DPYD: variants seen among roughly 807,000 people sequenced by gnomAD.
DPYD encodes dihydropyrimidine dehydrogenase, also known as dihydropyrimidine dehydrogenase [NADP(+)].
A neutral mutation model predicts 116.2 loss-of-function variants in DPYD; 109 were observed. That is an observed-to-expected ratio of 0.94 (90% CI 0.80 to 1.10). DPYD has a LOEUF of 1.10. Ranked by LOEUF, DPYD falls within the 50% of genes least tolerant of loss-of-function variation. The pLI is 0.00. For synonymous variants in DPYD, 440 were observed against 432.0 expected (o/e 1.02, Z -0.23); for missense variants, 1,302 against 1,254.5 (o/e 1.04, Z -0.57).
chr1:97,591,380 G>A (rs993750996), intron 10 of DPYD, among the ~76,000 whole-genome samples: 4 of 152,146 alleles, frequency 2.6e-5, no homozygotes, highest in African/African-American at 9.7e-5. Flanking sequence ...TTCCATGAGG[G>A]CATGAAATTC....
intron 22 of DPYD, among the ~76,000 whole-genome samples, chr1:97,080,089 C>T (rs1430991584): frequency 6.6e-6 from 1 of 151,954 alleles, no homozygotes; most frequent in Non-Finnish European, 1.5e-5. Context: ...GATTTCAGGG[C>T]AGCTACGTAG....
At chr1:97,386,435 C>A (rs996193470) in intron 14 of DPYD, among the ~76,000 whole-genome samples, 1 of 151,952 alleles carries the variant, frequency 6.6e-6, no homozygotes, top group South Asian at 2.1e-4. Context: ...GACAAACACA[C>A]AGGATGGAGA....
intron 19 of DPYD, among the ~76,000 whole-genome samples, chr1:97,209,408 C>T (rs1020661231): frequency 1.3e-5 from 2 of 152,056 alleles, no homozygotes; most frequent in Non-Finnish European, 2.9e-5. Flanking sequence ...TTTAAACTCC[C>T]TCCAGATTAC....
intron 2 of DPYD, among the ~76,000 whole-genome samples, chr1:97,861,251 T>C (rs1354680783): frequency 6.6e-6 from 1 of 151,762 alleles, no homozygotes; most frequent in Non-Finnish European, 1.5e-5. Context: ...GCAGAAACAG[T>C]AAGCTGAGTA....
intron 5 of DPYD, among the ~76,000 whole-genome samples, chr1:97,708,316 T>A (rs1662097378): frequency 6.6e-6 from 1 of 152,130 alleles, no homozygotes; most frequent in African/African-American, 2.4e-5. Flanking sequence ...CCATCTTTAA[T>A]TAATTTTTAA....
chr1:97,342,001 G>A (rs1442635553), intron 16 of DPYD, among the ~76,000 whole-genome samples: 3 of 152,190 alleles, frequency 2.0e-5, no homozygotes, highest in Non-Finnish European at 2.9e-5. Flanking sequence ...CTGATCTGAC[G>A]AAGTTTAGAA....
At chr1:97,499,015 CTT>C (rs1025171399) in intron 13 of DPYD, among the ~76,000 whole-genome samples, 1 of 151,494 alleles carries the variant, frequency 6.6e-6, no homozygotes, top group Non-Finnish European at 1.5e-5. Flanking sequence ...ACCTTTATAA[CTT>C]ATAATAAATA....
chr1:97,192,143 C>T (rs998929036), intron 20 of DPYD, among the ~76,000 whole-genome samples: 2 of 151,950 alleles, frequency 1.3e-5, no homozygotes, highest in African/African-American at 4.8e-5. Context: ...AGGAGAGGGA[C>T]AGTGATATTT....
At chr1:97,886,637 T>A (rs186660545) in intron 1 of DPYD, among the ~76,000 whole-genome samples, 1 of 152,040 alleles carries the variant, frequency 6.6e-6, no homozygotes, top group East Asian at 1.9e-4. Flanking sequence ...GCCCAGAGAT[T>A]TTTCCCAGAA....
At chr1:97,623,577 C>T (rs1310326064) in intron 8 of DPYD, among the ~76,000 whole-genome samples, 1 of 151,902 alleles carries the variant, frequency 6.6e-6, no homozygotes, top group African/African-American at 2.4e-5. Context: ...AGGTTCAGTG[C>T]AATCCCCATG....
chr1:97,905,379 TA>T (rs771287703), intron 1 of DPYD, among the ~76,000 whole-genome samples: 1 of 151,950 alleles, frequency 6.6e-6, no homozygotes, highest in Non-Finnish European at 1.5e-5. Flanking sequence ...AAAGTAGAAA[TA>T]AAAAGAAAAA....
intron 5 of DPYD, among the ~76,000 whole-genome samples, chr1:97,714,064 T>A (rs1397876406): frequency 6.6e-6 from 1 of 152,158 alleles, no homozygotes; most frequent in East Asian, 1.9e-4. Flanking sequence ...TTGATCAGTT[T>A]GTCAAACTGT....
chr1:97,609,211 T>C (rs1242688162), intron 8 of DPYD, among the ~76,000 whole-genome samples: 3 of 151,958 alleles, frequency 2.0e-5, no homozygotes, highest in African/African-American at 4.8e-5. Context: ...AAAGAAGGCA[T>C]ATTCTAATGC....
chr1:97,792,082 T>G (rs1438231571), intron 3 of DPYD, among the ~76,000 whole-genome samples: 1 of 152,184 alleles, frequency 6.6e-6, no homozygotes, highest in Non-Finnish European at 1.5e-5. Context: ...CTAACTCTAT[T>G]ATGCATAGTC....
intron 8 of DPYD, among the ~76,000 whole-genome samples, chr1:97,664,875 C>G (rs1659474513): frequency 6.6e-6 from 1 of 152,100 alleles, no homozygotes; most frequent in Admixed American, 6.5e-5. Context: ...CACGCACACA[C>G]ACATACACAG....
intron 16 of DPYD, among the ~76,000 whole-genome samples, chr1:97,310,909 T>C (rs890417141): frequency 4.1e-4 from 62 of 151,868 alleles, no homozygotes; most frequent in Admixed American, 4.1e-3. Context: ...CAATGAAATA[T>C]GATTCAACAA....
At chr1:97,119,504 G>A (rs1652255989) in intron 20 of DPYD, among the ~76,000 whole-genome samples, 1 of 152,148 alleles carries the variant, frequency 6.6e-6, no homozygotes, top group Admixed American at 6.5e-5. Flanking sequence ...AGGCTACCAC[G>A]TGGGTGAACA....
At chr1:97,107,540 T>A (rs1302116943) in intron 20 of DPYD, among the ~76,000 whole-genome samples, 1 of 152,090 alleles carries the variant, frequency 6.6e-6, no homozygotes, top group East Asian at 1.9e-4. Context: ...ACCATCATCA[T>A]CACCTTCACG....
intron 3 of DPYD, among the ~76,000 whole-genome samples, chr1:97,752,687 A>G (rs553712335): frequency 5.9e-5 from 9 of 152,296 alleles, no homozygotes; most frequent in African/African-American, 1.9e-4. Flanking sequence ...TCAAGTCTTC[A>G]TCCGAACTCA....
Sources: gnomAD v4.1 joint callset for allele counts (sites outside exome capture counted in the v4.1 genomes callset) on GRCh38, gnomAD v4.1.1 for gene constraint, MANE v1.5 for transcripts, NCBI Gene and HGNC (gene_info 2026-07-23, HGNC 2026-07-21) for gene names.